The following KCNJ1 variants were observed in gnomAD, a reference collection of about 807,000 sequenced individuals.
KCNJ1 encodes ATP-sensitive inward rectifier potassium channel 1.
In KCNJ1, 24 loss-of-function variants were observed where a neutral mutation model predicts 21.9. The observed-to-expected ratio is 1.10, with a 90% CI of 0.79 to 1.54. The LOEUF is 1.54. KCNJ1 is among the 40% of genes most tolerant of loss of function. The pLI is 0.00. For missense variants in KCNJ1, 457 were observed against 455.4 expected (o/e 1.00, Z -0.03); for synonymous variants, 152 against 160.9 (o/e 0.94, Z 0.42).
chr11:128,849,692 A>G (rs1436660351), intron 2 of KCNJ1, among the ~76,000 whole-genome samples: 20 of 152,224 alleles, frequency 1.3e-4, no homozygotes, highest in Non-Finnish European at 1.5e-5. Context: ...CTGAAGATAC[A>G]CTGTCCAGCA....
intron 2 of KCNJ1, among the ~76,000 whole-genome samples, chr11:128,841,705 T>C (rs955580095): frequency 2.0e-5 from 3 of 152,216 alleles, no homozygotes; most frequent in African/African-American, 7.2e-5. Context: ...CCACAGTGTC[T>C]TGTTCAAGGC....
At chr11:128,855,545 C>T (rs1943572834) in intron 1 of KCNJ1, among the ~76,000 whole-genome samples, 1 of 152,178 alleles carries the variant, frequency 6.6e-6, no homozygotes, top group East Asian at 1.9e-4. Flanking sequence ...AGATGGGGCT[C>T]CACAGGTGCC....
intron 2 of KCNJ1, among the ~76,000 whole-genome samples, chr11:128,843,988 A>G (rs766890351): frequency 1.3e-5 from 2 of 152,224 alleles, no homozygotes; most frequent in Non-Finnish European, 2.9e-5. Flanking sequence ...GGGAGCACCT[A>G]TTTTGATGAG....
intron 2 of KCNJ1, among the ~76,000 whole-genome samples, chr11:128,849,949 G>A (rs757783227): frequency 6.6e-6 from 1 of 152,168 alleles, no homozygotes; most frequent in Middle Eastern, 3.2e-3. Flanking sequence ...CAGTGACGAT[G>A]AGCCAGCCCC....
Position 128,838,856 on chromosome 11 carries a change from G to A in KCNJ1, c.*269C>T. The A allele has an allele frequency of 2.1e-6, 1 of 485,562 alleles. No homozygotes were observed. The highest frequency in any genetic ancestry group is 3.7e-6 in the Non-Finnish European group (1 of 271,126). 30.1% of individuals were successfully genotyped at this position (485,562 alleles called of 1,614,324 possible). On this transcript the variant is annotated 3_prime_UTR_variant, in exon 3 of 3. Transcript: ENST00000392666. ...ATCTGCTCCAATCCACCTTATATGA[G>A]CTCAAATAATCATATTTAAGATTTC... is the stretch of plus-strand genomic sequence containing the variant.
chr11:128,847,308 A>T (rs1394468502), intron 2 of KCNJ1, among the ~76,000 whole-genome samples: 1 of 152,198 alleles, frequency 6.6e-6, no homozygotes, highest in Non-Finnish European at 1.5e-5. Context: ...ACAGGGTACT[A>T]CTGGTGCTTT....
intron 2 of KCNJ1, among the ~76,000 whole-genome samples, chr11:128,844,346 G>A (rs998589033): frequency 6.6e-5 from 10 of 152,144 alleles, no homozygotes; most frequent in African/African-American, 2.2e-4. Flanking sequence ...TAGGGCCAAC[G>A]GACTCTGCAC....
chr11:128,855,868 G>A (rs1943579099), intron 1 of KCNJ1, among the ~76,000 whole-genome samples: 1 of 152,220 alleles, frequency 6.6e-6, no homozygotes, highest in South Asian at 2.1e-4. Flanking sequence ...GGGGAAATCA[G>A]TTTTAACTCC....
At chr11:128,842,714 G>T (rs548867833) in intron 2 of KCNJ1, among the ~76,000 whole-genome samples, 1 of 152,166 alleles carries the variant, frequency 6.6e-6, no homozygotes, top group Non-Finnish European at 1.5e-5. Flanking sequence ...AGCAGGCATG[G>T]ATTGGGTTCC....
At chr11:128,860,085 C>T (rs982504433) in intron 1 of KCNJ1, among the ~76,000 whole-genome samples, 1 of 152,224 alleles carries the variant, frequency 6.6e-6, no homozygotes, top group Non-Finnish European at 1.5e-5. Flanking sequence ...TTCAGAAGGG[C>T]GCCCGGAAGG....
At chr11:128,855,554 C>T (rs1363143631) in intron 1 of KCNJ1, among the ~76,000 whole-genome samples, 1 of 152,178 alleles carries the variant, frequency 6.6e-6, no homozygotes, top group Non-Finnish European at 1.5e-5. Context: ...TCCACAGGTG[C>T]CTTGAAAATA....
At chr11:128,853,113 C>T (rs1943506461) in intron 1 of KCNJ1, among the ~76,000 whole-genome samples, 1 of 152,250 alleles carries the variant, frequency 6.6e-6, no homozygotes, top group African/African-American at 2.4e-5. Flanking sequence ...CGTTCCTTAA[C>T]CTCTCTGAGC....
At chr11:128,847,159 C>T (rs1183682888) in intron 2 of KCNJ1, among the ~76,000 whole-genome samples, 1 of 152,154 alleles carries the variant, frequency 6.6e-6, no homozygotes, top group African/African-American at 2.4e-5. Flanking sequence ...AGCATTGCTT[C>T]CTTAAGCCTC....
intron 2 of KCNJ1, among the ~76,000 whole-genome samples, chr11:128,841,199 A>G (rs2135942053): frequency 6.6e-6 from 1 of 152,120 alleles, no homozygotes; most frequent in East Asian, 1.9e-4. Flanking sequence ...CACATCTAAC[A>G]CTTCCTTCCC....
chr11:128,845,695 TG>T (rs938995061), intron 2 of KCNJ1, among the ~76,000 whole-genome samples: 2 of 152,228 alleles, frequency 1.3e-5, no homozygotes, highest in African/African-American at 4.8e-5. Context: ...AGATAGAACT[TG>T]GCAAGGCTGG....
At chr11:128,840,314 G>A in intron 2 of KCNJ1, 50 bp from the exon 3 acceptor site, 1 of 1,554,242 alleles carries the variant, frequency 6.4e-7, no homozygotes, top group African/African-American at 1.4e-5. Context: ...TATAGCAATA[G>A]TGAACTAGGT....
chr11:128,842,323 A>G, intron 2 of KCNJ1: 1 of 1,582,452 alleles, frequency 6.3e-7, no homozygotes, highest in South Asian at 1.1e-5. Context: ...GACTGCATTA[A>G]TGATGAAACA....
At position 128,839,336 on chromosome 11, in the gene KCNJ1, C is replaced by A; in HGVS notation, c.908G>T (p.Gly303Val). Residue 303 changes from glycine (G) to valine (V), a missense_variant, in exon 3 of 3, where the codon GGC becomes GTC. Physicochemically the swap from Gly to Val is moderately radical, Grantham distance 109. Transcript: ENST00000392666. ...GGATACTATGGGAGCAAAACGGTAGCCCCAAAGCACCTCCTCTGGGACATA... is the reference window on the plus strand; with the variant it reads ...GGATACTATGGGAGCAAAACGGTAGACCCAAAGCACCTCCTCTGGGACATA... ...TSYVPEEVLWGYRFAPIVSKT... is the reference protein window; with the variant it reads ...TSYVPEEVLWVYRFAPIVSKT... 1 of 1,614,128 alleles carries A rather than the reference C, an allele frequency of 6.2e-7. No individual in the cohort carries two copies. Among genetic ancestry groups the A allele is most frequent in the Non-Finnish European group, 8.5e-7 (1 of 1,180,010 alleles).
chr11:128,845,350 G>A (rs1177935202), intron 2 of KCNJ1, among the ~76,000 whole-genome samples: 1 of 152,224 alleles, frequency 6.6e-6, no homozygotes, highest in Non-Finnish European at 1.5e-5. Context: ...CCAAAGAGGA[G>A]ACCCAGAAGG....
Sources: allele counts gnomAD v4.1 joint callset (sites outside exome capture counted in the v4.1 genomes callset), GRCh38; gene constraint gnomAD v4.1.1; transcripts MANE v1.5; gene names NCBI Gene and HGNC (gene_info 2026-07-23, HGNC 2026-07-21).